SEMA5B: variants seen among roughly 807,000 people sequenced by gnomAD.
SEMA5B encodes semaphorin 5B.
Under a neutral mutation model 135.0 loss-of-function variants are expected in SEMA5B, and 66 were observed. That is an observed-to-expected ratio of 0.49 (90% CI 0.40 to 0.60). The LOEUF (loss-of-function observed/expected upper bound fraction) is 0.60, where lower values mean the gene tolerates loss of function less well. Ranked by LOEUF, SEMA5B falls within the 20% of genes least tolerant of loss-of-function variation. The probability of loss-of-function intolerance (pLI) is 0.00; values close to 1 mark genes in which losing one functional copy is unlikely to be tolerated. For missense variants in SEMA5B, 1,501 were observed against 1,566.3 expected (o/e 0.96, Z 0.70); for synonymous variants, 690 against 639.5 (o/e 1.08, Z -1.19).
chr3:123,014,783 G>A (rs150488310), intron 1 of SEMA5B, among the ~76,000 whole-genome samples: 33 of 152,314 alleles, frequency 2.2e-4, no homozygotes, highest in African/African-American at 6.7e-4. Flanking sequence ...CTCGAAACAG[G>A]AGGTCAAAAA....
At chr3:122,956,207 C>A (rs1168265467) in intron 2 of SEMA5B, among the ~76,000 whole-genome samples, 1 of 152,250 alleles carries the variant, frequency 6.6e-6, no homozygotes, top group East Asian at 1.9e-4. Context: ...AAAGCATTTT[C>A]CCAAATCTTT....
At chr3:122,923,017 A>T (rs1938446073) in intron 10 of SEMA5B, among the ~76,000 whole-genome samples, 2 of 152,328 alleles carry the variant, frequency 1.3e-5, no homozygotes, top group East Asian at 1.9e-4. Flanking sequence ...CCAAGGTCAC[A>T]CAGAGATAGG....
chr3:122,991,313 G>T (rs1217644110), intron 1 of SEMA5B, among the ~76,000 whole-genome samples: 1 of 152,164 alleles, frequency 6.6e-6, no homozygotes, highest in African/African-American at 2.4e-5. Flanking sequence ...GGATGAGACC[G>T]AGTCTCAGGG....
At chr3:123,009,953 T>C (rs1202536534) in intron 1 of SEMA5B, among the ~76,000 whole-genome samples, 1 of 152,148 alleles carries the variant, frequency 6.6e-6, no homozygotes, top group Non-Finnish European at 1.5e-5. Context: ...GACGGCATGG[T>C]GATGCAGTAC....
intron 1 of SEMA5B, among the ~76,000 whole-genome samples, chr3:123,022,848 T>A (rs1397638662): frequency 6.6e-6 from 1 of 152,130 alleles, no homozygotes; most frequent in African/African-American, 2.4e-5. Flanking sequence ...CACCCTTCTG[T>A]CCCTTTCCTT....
intron 1 of SEMA5B, among the ~76,000 whole-genome samples, chr3:122,969,626 T>C (rs1490110333): frequency 1.3e-5 from 2 of 152,172 alleles, no homozygotes; most frequent in Non-Finnish European, 2.9e-5. Flanking sequence ...TCACAGCCCC[T>C]AGGTCACTCC....
In SEMA5B at chr3:122,911,013, T is replaced by C; in HGVS notation, c.3124A>G (p.Ile1042Val). 1 of 1,613,664 alleles carries C rather than the reference T, an allele frequency of 6.2e-7. No individual in the cohort carries two copies. The highest frequency in any genetic ancestry group is 8.5e-7 in the Non-Finnish European group (1 of 1,179,770). Residue 1042 changes from isoleucine to valine, a missense_variant, in exon 22 of 23, where the codon ATC becomes GTC. Ile to Val is a conservative substitution (Grantham distance 29). Around this residue, in one of 2 missense-constraint regions of SEMA5B, gnomAD observed 927 missense variants for 881.6 expected, o/e 1.05. Transcript: ENST00000357599. ...FNLIHLVATG[I>V]SCFLGSGLLT... is the part of the protein sequence containing the mutation. The stretch of plus-strand genomic sequence containing the variant: ...AGCCCAGAGCCCAAGAAGCAGGAGA[T>C]GCCCGTGGCCACCAAGTGGATGAGA...
chr3:122,971,634 G>A (rs563045564), intron 1 of SEMA5B, among the ~76,000 whole-genome samples: 1 of 152,402 alleles, frequency 6.6e-6, no homozygotes, highest in Admixed American at 6.5e-5. Context: ...ATGAATGAAA[G>A]TGAGTCTCTC....
intron 3 of SEMA5B, among the ~76,000 whole-genome samples, chr3:122,947,289 C>G (rs969692550): frequency 2.0e-5 from 3 of 152,146 alleles, no homozygotes; most frequent in Non-Finnish European, 4.4e-5. Flanking sequence ...CCTTCAAAGC[C>G]TTGGATCCCA....
intron 2 of SEMA5B, 78 bp downstream of exon 2, chr3:122,961,062 G>C: frequency 6.9e-7 from 1 of 1,448,372 alleles, no homozygotes; most frequent in Non-Finnish European, 9.3e-7. Context: ...TGATGCCCCA[G>C]ATGAGGGGGT....
intron 1 of SEMA5B, among the ~76,000 whole-genome samples, chr3:122,994,816 T>C (rs1362917084): frequency 1.3e-5 from 2 of 152,158 alleles, no homozygotes; most frequent in Admixed American, 1.3e-4. Flanking sequence ...ATAGGGCTGT[T>C]GTGAGAAATC....
chr3:122,910,430 C>T (rs1576324000), intron 22 of SEMA5B, 129 bp from the exon 23 acceptor site: 1 of 936,696 alleles, frequency 1.1e-6, no homozygotes, highest in Non-Finnish European at 1.6e-6. Flanking sequence ...GCTCTGTTCA[C>T]ACCACCACTG....
intron 1 of SEMA5B, among the ~76,000 whole-genome samples, chr3:122,961,943 A>G (rs1400513588): frequency 2.0e-5 from 3 of 152,198 alleles, no homozygotes; most frequent in Non-Finnish European, 2.9e-5. Flanking sequence ...CCCACATTCC[A>G]TAGTTAAAGC....
chr3:122,935,085 C>T (rs558061395), intron 5 of SEMA5B, among the ~76,000 whole-genome samples: 3 of 152,012 alleles, frequency 2.0e-5, no homozygotes, highest in Admixed American at 6.5e-5. Context: ...TATGAAATTA[C>T]GTGATAAAAA....
chr3:122,918,993 C>CTTTTT (rs63373262), intron 12 of SEMA5B, among the ~76,000 whole-genome samples: 13 of 80,340 alleles, frequency 1.6e-4, no homozygotes, highest in East Asian at 6.6e-4. Flanking sequence ...ATCACCATGT[C>CTTTTT]TTTTTTTTTT....
intron 1 of SEMA5B, among the ~76,000 whole-genome samples, chr3:123,019,367 A>G (rs1942627565): frequency 6.6e-6 from 1 of 152,116 alleles, no homozygotes; most frequent in Admixed American, 6.5e-5. Flanking sequence ...AGGCCAAGGG[A>G]GGTAGATCAC....
chr3:122,945,299 G>A (rs761908245), intron 3 of SEMA5B, among the ~76,000 whole-genome samples: 7 of 152,210 alleles, frequency 4.6e-5, no homozygotes, highest in Non-Finnish European at 8.8e-5. Context: ...GGCAAGAATT[G>A]TCATGTAGTC....
At chr3:122,938,794 A>G (rs1347628033) in intron 5 of SEMA5B, among the ~76,000 whole-genome samples, 1 of 152,202 alleles carries the variant, frequency 6.6e-6, no homozygotes, top group Non-Finnish European at 1.5e-5. Flanking sequence ...CTCTGCAAAG[A>G]TGGTTTGACA....
chr3:122,911,910 G>A lies in SEMA5B; in HGVS notation c.3046+10C>T, dbSNP rs775680866. On this transcript the variant is annotated intron_variant, in intron 20 of 22. Coordinates refer to ENST00000357599, the MANE Select transcript of SEMA5B (RefSeq NM_001031702.4). ...AGGGTTGCTGCGCAGGTGCTGGCAG[G>A]GGTACCTACCGGGAATCTCGCTGTA... 6.3e-7 allele frequency: 1 copy of A among 1,590,684 alleles called. No homozygotes were observed. The highest frequency in any genetic ancestry group is 1.1e-5 in the South Asian group (1 of 88,960).
Sources: gnomAD v4.1 joint callset for allele counts (sites outside exome capture counted in the v4.1 genomes callset) on GRCh38, gnomAD v4.1.1 for gene constraint, gnomAD v4.1.1 regional missense constraint, MANE v1.5 for transcripts, NCBI Gene and HGNC (gene_info 2026-07-23, HGNC 2026-07-21) for gene names.